The following TOGARAM2 variants were observed in gnomAD, a reference collection of about 807,000 sequenced individuals.
TOGARAM2 encodes the protein TOG array regulator of axonemal microtubules protein 2.
Under a neutral mutation model 93.3 loss-of-function variants are expected in TOGARAM2, and 85 were observed. That is an observed-to-expected ratio of 0.91 (90% CI 0.76 to 1.09). TOGARAM2 has a LOEUF of 1.09. TOGARAM2 is among the 50% of genes least tolerant of loss of function. The pLI is 0.00. For synonymous variants in TOGARAM2, 593 were observed against 552.8 expected (o/e 1.07, Z -1.02); for missense variants, 1,277 against 1,334.5 (o/e 0.96, Z 0.67).
chr2:28,991,745 G>C (rs1411652809), intron 1 of TOGARAM2, among the ~76,000 whole-genome samples: 2 of 152,124 alleles, frequency 1.3e-5, no homozygotes, highest in Non-Finnish European at 2.9e-5. Flanking sequence ...TTCTTTACTG[G>C]GCCAGCCCTA....
chr2:28,996,301 G>A (rs900579689), intron 2 of TOGARAM2, among the ~76,000 whole-genome samples: 1 of 152,000 alleles, frequency 6.6e-6, no homozygotes, highest in African/African-American at 2.4e-5. Context: ...ATTATTATGA[G>A]CTATAGTCAC....
At chr2:29,013,108 C>G (rs1048227584) in intron 7 of TOGARAM2, among the ~76,000 whole-genome samples, 12 of 152,204 alleles carry the variant, frequency 7.9e-5, no homozygotes, top group Non-Finnish European at 5.9e-5. Flanking sequence ...GCAGGTTCAC[C>G]CAAGGACAGT....
chr2:28,996,658 T>G (rs2148273456), intron 2 of TOGARAM2, among the ~76,000 whole-genome samples: 1 of 151,760 alleles, frequency 6.6e-6, no homozygotes, highest in African/African-American at 2.4e-5. Context: ...CCTGTCTCTA[T>G]GAAAATACAA....
chr2:28,961,445 G>T (rs1572614475), intron 1 of TOGARAM2, among the ~76,000 whole-genome samples: 1 of 151,982 alleles, frequency 6.6e-6, no homozygotes, highest in East Asian at 1.9e-4. Flanking sequence ...AGATTCAAGC[G>T]ATTCTCCCAC....
intron 1 of TOGARAM2, among the ~76,000 whole-genome samples, chr2:28,983,821 G>A (rs1348607998): frequency 1.3e-5 from 2 of 152,164 alleles, no homozygotes; most frequent in East Asian, 3.9e-4. Flanking sequence ...CTAGCACTTG[G>A]CATTGCCGCC....
At chr2:29,037,622 GGGGCTGGGACAGGCACCGTGTCCTT>G (rs1271031776) in intron 18 of TOGARAM2, among the ~76,000 whole-genome samples, 1 of 151,932 alleles carries the variant, frequency 6.6e-6, no homozygotes, top group Non-Finnish European at 1.5e-5. Flanking sequence ...CCAGCTCCCT[GGGGCTGGGACAGGCACCGTGTCCTT>G]GGCTGGAGGC....
chr2:28,984,658 G>GGAATGGACCAAGGA (rs1463327560), intron 1 of TOGARAM2, among the ~76,000 whole-genome samples: 1 of 152,316 alleles, frequency 6.6e-6, no homozygotes, highest in East Asian at 1.9e-4. Flanking sequence ...AGTGGACCAA[G>GGAATGGACCAAGGA]CCATTTTTCA....
chr2:28,970,679 G>A (rs1334520685), intron 1 of TOGARAM2, among the ~76,000 whole-genome samples: 1 of 152,160 alleles, frequency 6.6e-6, no homozygotes, highest in African/African-American at 2.4e-5. Flanking sequence ...GCCCAGGGTG[G>A]ACTCCCAGGA....
At chr2:29,009,265 C>G (rs948747290) in intron 6 of TOGARAM2, among the ~76,000 whole-genome samples, 2 of 152,176 alleles carry the variant, frequency 1.3e-5, no homozygotes, top group African/African-American at 4.8e-5. Flanking sequence ...GCCCCTGCAT[C>G]CTTGCGTGAC....
intron 1 of TOGARAM2, 75 bp from the exon 2 acceptor site, chr2:28,994,650 G>A: frequency 1.8e-6 from 1 of 555,558 alleles, no homozygotes; most frequent in Non-Finnish European, 3.2e-6. Context: ...TTTAGCCCCT[G>A]AAGGGCTTTT....
At chr2:29,009,867 G>C (rs746899826) in intron 6 of TOGARAM2, among the ~76,000 whole-genome samples, 1 of 152,154 alleles carries the variant, frequency 6.6e-6, no homozygotes, top group Non-Finnish European at 1.5e-5. Flanking sequence ...GGGCTGCCAC[G>C]TGCAGGAAGG....
chr2:29,033,353 C>G, intron 15 of TOGARAM2, 116 bp from the exon 16 acceptor site: 2 of 983,544 alleles, frequency 2.0e-6, no homozygotes, highest in South Asian at 3.1e-5. Context: ...ACTGTGACAT[C>G]TGAAGCTCTC....
At chr2:28,979,581 C>G (rs1221012912), upstream of TOGARAM2, among the ~76,000 whole-genome samples, 1 of 152,186 alleles carries the variant, frequency 6.6e-6, no homozygotes, top group Non-Finnish European at 1.5e-5. Flanking sequence ...CTCCATCACT[C>G]AGCTCCTGAG....
intron 6 of TOGARAM2, among the ~76,000 whole-genome samples, chr2:29,005,627 AGTGTGT>A (rs142934202): frequency 2.1e-5 from 1 of 48,780 alleles, no homozygotes; most frequent in African/African-American, 5.5e-5. Context: ...GCATGTGTGG[AGTGTGT>A]GTGCATGTGT....
intron 1 of TOGARAM2, among the ~76,000 whole-genome samples, chr2:28,959,610 G>A (rs561568495): frequency 4.1e-4 from 63 of 152,176 alleles, no homozygotes; most frequent in Middle Eastern, 3.4e-3. Flanking sequence ...AAAATTAGCC[G>A]GGCGTAGTGG....
rs1195048991 is a variant in TOGARAM2, at chr2:29,022,234, T to C, written c.1437T>C (p.Cys479=). The C allele has an allele frequency of 1.9e-6, 3 of 1,614,036 alleles. No homozygotes were observed. Among genetic ancestry groups the C allele is most frequent in the Non-Finnish European group, 2.5e-6 (3 of 1,179,884 alleles). ...AGGAGGAGATGGATCTTAGAGCCTG[T>C]AAGGAGTTGAGGCCTTTCTCGAACC... ...EEEEEMDLRA[C]KELRPFSNPE... The change falls in exon 11 of 20, where the codon TGT becomes TGC. Residue 479 remains cysteine, a synonymous_variant. Coordinates refer to ENST00000379558, the MANE Select transcript of TOGARAM2 (RefSeq NM_199280.4).
intron 4 of TOGARAM2, among the ~76,000 whole-genome samples, chr2:29,000,660 G>T (rs1673238464): frequency 6.6e-6 from 1 of 152,158 alleles, no homozygotes; most frequent in African/African-American, 2.4e-5. Flanking sequence ...CGTGGTTGCT[G>T]CCGTCAAGCC....
chr2:29,026,951 G>A lies in TOGARAM2; in HGVS notation c.1952G>A (p.Ser651Asn). 2 of 1,572,256 alleles carry A rather than the reference G, an allele frequency of 1.3e-6. No homozygotes were observed. The highest frequency in any genetic ancestry group is 1.7e-6 in the Non-Finnish European group (2 of 1,158,692). Residue 651 changes from serine (S) to asparagine (N), a missense_variant, in exon 14 of 20, where the codon AGC (serine) becomes AAC (asparagine). Coordinates refer to ENST00000379558, the MANE Select transcript of TOGARAM2 (RefSeq NM_199280.4). ...AEKLLSGTRD[S>N]TDMLVHNLVR... is the part of the protein sequence containing the mutation. ...AAGCTTCTCTCGGGCACCAGAGACAGCACAGACATGTTGGTGCACAACCTG... is the reference window on the plus strand; with the variant it reads ...AAGCTTCTCTCGGGCACCAGAGACAACACAGACATGTTGGTGCACAACCTG...
chr2:29,051,802 G>A lies in TOGARAM2; in HGVS notation c.2769G>A (p.Arg923=), dbSNP rs1483718913. ...VYPRKPQAVE[R]HVLPILWHFL... The stretch of plus-strand genomic sequence containing the variant: ...CCCGGAAGCCTCAAGCTGTAGAGCG[G>A]CATGTCCTTCCCATCCTCTGGCACT... The change falls in exon 20 of 20, where the codon CGG becomes CGA. Residue 923 remains arginine (R), a synonymous_variant. Coordinates refer to ENST00000379558, the MANE Select transcript of TOGARAM2 (RefSeq NM_199280.4). 5 of 1,555,450 alleles carry A rather than the reference G, an allele frequency of 3.2e-6. No homozygotes were observed. Among genetic ancestry groups the A allele is most frequent in the Admixed American group, 1.9e-5 (1 of 52,518 alleles).
Sources: allele counts gnomAD v4.1 joint callset (sites outside exome capture counted in the v4.1 genomes callset), GRCh38; gene constraint gnomAD v4.1.1; transcripts MANE v1.5; gene names NCBI Gene and HGNC (gene_info 2026-07-23, HGNC 2026-07-21).